Variants in NELL2 observed in about 807,000 individuals in gnomAD.
NELL2 encodes protein kinase C-binding protein NELL2.
NELL2 carries 41 observed loss-of-function variants against 109.6 expected under a neutral mutation model. The ratio of observed to expected loss-of-function variants is 0.37; its 90% CI spans 0.29 to 0.49. The LOEUF (loss-of-function observed/expected upper bound fraction) is 0.49, where lower values mean the gene tolerates loss of function less well. Among genes scored for constraint, NELL2 ranks in the 20% least tolerant of loss-of-function variants. The pLI, the probability that NELL2 is intolerant of heterozygous loss-of-function variation, is 0.98. For synonymous variants in NELL2, 355 were observed against 344.7 expected, an observed-to-expected ratio of 1.03 and a Z score of -0.33; for missense variants, 900 against 1,008.3, an observed-to-expected ratio of 0.89 and a Z score of 1.45.
intron 16 of NELL2, among the ~76,000 whole-genome samples, chr12:44,524,844 A>AAT (rs1165545386): frequency 1.3e-5 from 2 of 152,098 alleles, no homozygotes; most frequent in Non-Finnish European, 2.9e-5. Flanking sequence ...CCAGGATGAG[A>AAT]ATATATATTT....
intron 13 of NELL2, among the ~76,000 whole-genome samples, chr12:44,630,064 T>C (rs1173788960): frequency 1.3e-5 from 2 of 152,210 alleles, no homozygotes; most frequent in African/African-American, 4.8e-5. Flanking sequence ...CCTATATGCA[T>C]ATTTTGCATA....
chr12:44,679,634 G>A (rs1160029043), intron 12 of NELL2, among the ~76,000 whole-genome samples: 1 of 152,068 alleles, frequency 6.6e-6, no homozygotes, highest in Non-Finnish European at 1.5e-5. Flanking sequence ...GTTAGTGTCT[G>A]GTAAATCCAG....
chr12:44,616,684 T>A (rs17572194), intron 13 of NELL2, among the ~76,000 whole-genome samples: 17,868 of 152,198 alleles, frequency 0.12, 1,236 homozygotes, highest in East Asian at 0.2. Context: ...TTCTGTAGAC[T>A]AGATTGCTTA....
intron 3 of NELL2, among the ~76,000 whole-genome samples, chr12:44,815,512 C>T (rs1242367446): frequency 6.6e-6 from 1 of 152,242 alleles, no homozygotes; most frequent in African/African-American, 2.4e-5. Flanking sequence ...ATAGCAACTT[C>T]TTACTAACCT....
intron 13 of NELL2, among the ~76,000 whole-genome samples, chr12:44,647,043 C>A (rs1304443624): frequency 1.3e-5 from 2 of 152,156 alleles, no homozygotes; most frequent in African/African-American, 4.8e-5. Flanking sequence ...GACCCTGGGG[C>A]GTTCTGCTCA....
At chr12:44,849,056 G>A (rs1216024859) in intron 2 of NELL2, among the ~76,000 whole-genome samples, 1 of 152,116 alleles carries the variant, frequency 6.6e-6, no homozygotes, top group Non-Finnish European at 1.5e-5. Context: ...ATTTAGGTCT[G>A]TTTCTTTCTG....
At chr12:44,876,489 G>C, upstream of NELL2, 1 of 1,345,854 alleles carries the variant, frequency 7.4e-7, no homozygotes, top group Non-Finnish European at 9.6e-7. Context: ...CCCAGGAGCC[G>C]TTGCAGCCTC....
At chr12:44,587,307 A>ATATAT (rs1302978950) in intron 15 of NELL2, among the ~76,000 whole-genome samples, 44 of 96,644 alleles carry the variant, frequency 4.6e-4, no homozygotes, top group African/African-American at 1.6e-3. Context: ...ATATATATAT[A>ATATAT]TTTTTTTTTA....
At position 44,819,617 on chromosome 12, in the gene NELL2, G is replaced by A. The variant is rs1294664840; in HGVS notation, c.185-3481C>T. Among the ~76,000 whole-genome samples the A allele has an allele frequency of 2.0e-5, 3 of 152,230 alleles. No homozygotes were observed. In the East Asian group the frequency reaches 5.8e-4, roughly 30 times the overall value. On this transcript the variant is annotated intron_variant, in intron 2 of 19. Transcript: ENST00000429094. ...CCTCCACCCCACCAGGGTGGTAGAT[G>A]GGGTGCTATGAGGACTCCATCCAGC...
At chr12:44,747,740 T>C (rs911223670) in intron 9 of NELL2, among the ~76,000 whole-genome samples, 27 of 152,250 alleles carry the variant, frequency 1.8e-4, no homozygotes, top group Admixed American at 1.5e-3. Flanking sequence ...CTATTACCCA[T>C]GTGCTGTTGC....
chr12:44,911,091 T>C (rs917629524), intron 1 of NELL2, among the ~76,000 whole-genome samples: 2 of 151,972 alleles, frequency 1.3e-5, no homozygotes, highest in African/African-American at 2.4e-5. Flanking sequence ...CTCAGCATCA[T>C]GCAATATACC....
chr12:44,747,841 G>T (rs1055680181), intron 9 of NELL2, among the ~76,000 whole-genome samples: 6 of 152,148 alleles, frequency 3.9e-5, no homozygotes, highest in African/African-American at 1.4e-4. Context: ...AATGGGACTT[G>T]TATGAATTTT....
chr12:44,632,282 T>C (rs1380536743), intron 13 of NELL2, among the ~76,000 whole-genome samples: 1 of 152,126 alleles, frequency 6.6e-6, no homozygotes, highest in Non-Finnish European at 1.5e-5. Context: ...CTAATCTCAC[T>C]TCTATTCAAC....
At chr12:44,659,907 A>C (rs550328115) in intron 13 of NELL2, among the ~76,000 whole-genome samples, 1 of 152,312 alleles carries the variant, frequency 6.6e-6, no homozygotes, top group East Asian at 1.9e-4. Context: ...GAAGCAGTAA[A>C]AATCAGTAGA....
chr12:44,846,237 C>T (rs999015507), intron 2 of NELL2, among the ~76,000 whole-genome samples: 3 of 152,164 alleles, frequency 2.0e-5, no homozygotes, highest in Admixed American at 6.5e-5. Flanking sequence ...AGATTATTGA[C>T]GCCCAAAGAC....
intron 15 of NELL2, among the ~76,000 whole-genome samples, chr12:44,548,762 T>TA (rs1942909374): frequency 6.6e-6 from 1 of 152,182 alleles, no homozygotes. Context: ...TTGTAAATAT[T>TA]AAATTAAATT....
intron 3 of NELL2, among the ~76,000 whole-genome samples, chr12:44,804,607 C>T (rs930893777): frequency 6.6e-6 from 1 of 151,700 alleles, no homozygotes; most frequent in South Asian, 2.1e-4. Flanking sequence ...TTTAAATGAG[C>T]CCTTTGTAAA....
intron 13 of NELL2, among the ~76,000 whole-genome samples, chr12:44,612,971 C>T (rs139918259): frequency 6.6e-6 from 1 of 152,056 alleles, no homozygotes; most frequent in African/African-American, 2.4e-5. Flanking sequence ...CTCATGGGTA[C>T]TGAAATGAGA....
At chr12:44,770,221 T>G (rs547778182) in intron 9 of NELL2, among the ~76,000 whole-genome samples, 3 of 152,174 alleles carry the variant, frequency 2.0e-5, no homozygotes, top group Admixed American at 6.5e-5. Flanking sequence ...ACTTTGTATT[T>G]TTATCAATAA....
Sources: allele counts gnomAD v4.1 joint callset (sites outside exome capture counted in the v4.1 genomes callset), GRCh38; gene constraint gnomAD v4.1.1; transcripts MANE v1.5; gene names NCBI Gene and HGNC (gene_info 2026-07-23, HGNC 2026-07-21).